The following GALNT17 variants were observed in gnomAD, a reference collection of about 807,000 sequenced individuals.
GALNT17 encodes polypeptide N-acetylgalactosaminyltransferase 17, also known as UDP-GalNAc:polypeptide N-acetylgalactosaminyltransferase-like 3.
In GALNT17, 29 loss-of-function variants were observed where a neutral mutation model predicts 63.7. The ratio of observed to expected loss-of-function variants is 0.46; its 90% CI spans 0.34 to 0.62. The LOEUF is 0.62. Among genes scored for constraint, GALNT17 ranks in the 20% least tolerant of loss-of-function variants. The pLI, the probability that GALNT17 is intolerant of heterozygous loss-of-function variation, is 0.01. For missense variants in GALNT17, 603 were observed against 799.6 expected, an observed-to-expected ratio of 0.75 and a Z score of 2.97; for synonymous variants, 305 against 318.3, an observed-to-expected ratio of 0.96 and a Z score of 0.45.
At chr7:71,223,383 G>A (rs1018368175) in intron 1 of GALNT17, among the ~76,000 whole-genome samples, 8 of 152,024 alleles carry the variant, frequency 5.3e-5, no homozygotes, top group African/African-American at 1.9e-4. Context: ...ATGGACTTAT[G>A]AATATTTATT....
chr7:71,138,543 T>C (rs992905319), intron 1 of GALNT17, among the ~76,000 whole-genome samples: 5 of 152,186 alleles, frequency 3.3e-5, no homozygotes, highest in African/African-American at 1.2e-4. Context: ...GTCAACAGCA[T>C]ATTCTTTTTT....
At chr7:71,346,784 C>T (rs1403788629) in intron 2 of GALNT17, among the ~76,000 whole-genome samples, 1 of 151,882 alleles carries the variant, frequency 6.6e-6, no homozygotes, top group Non-Finnish European at 1.5e-5. Flanking sequence ...GGTGGAGTTA[C>T]TTCTTTAGTT....
At chr7:71,580,538 GATA>G (rs1789621513) in intron 6 of GALNT17, among the ~76,000 whole-genome samples, 1 of 152,160 alleles carries the variant, frequency 6.6e-6, no homozygotes, top group African/African-American at 2.4e-5. Flanking sequence ...TTACTAAAAA[GATA>G]ATGATGACAG....
intron 5 of GALNT17, among the ~76,000 whole-genome samples, chr7:71,430,654 A>G (rs1005526039): frequency 8.5e-5 from 13 of 152,214 alleles, no homozygotes; most frequent in African/African-American, 3.1e-4. Flanking sequence ...ATAATTTGAT[A>G]ATAAATTATA....
intron 6 of GALNT17, among the ~76,000 whole-genome samples, chr7:71,657,490 G>C (rs1790845302): frequency 6.6e-6 from 1 of 152,140 alleles, no homozygotes; most frequent in African/African-American, 2.4e-5. Context: ...GGCTGCCTAG[G>C]CTCCTCAGTG....
chr7:71,145,341 A>G (rs559051852), intron 1 of GALNT17, among the ~76,000 whole-genome samples: 2 of 152,222 alleles, frequency 1.3e-5, no homozygotes, highest in African/African-American at 4.8e-5. Flanking sequence ...CAACATAACT[A>G]AAAACCTAGC....
At chr7:71,509,068 G>A (rs553937089) in intron 5 of GALNT17, among the ~76,000 whole-genome samples, 1 of 152,224 alleles carries the variant, frequency 6.6e-6, no homozygotes, top group African/African-American at 2.4e-5. Context: ...TCGACTTAAC[G>A]ATTTTCCCAC....
At chr7:71,366,066 A>G (rs1167828459) in intron 2 of GALNT17, among the ~76,000 whole-genome samples, 1 of 152,124 alleles carries the variant, frequency 6.6e-6, no homozygotes, top group Non-Finnish European at 1.5e-5. Flanking sequence ...AGTTCACGAT[A>G]GGGCTTGCAC....
intron 1 of GALNT17, among the ~76,000 whole-genome samples, chr7:71,157,729 C>T (rs1007667487): frequency 2.6e-5 from 4 of 151,922 alleles, no homozygotes; most frequent in East Asian, 3.9e-4. Flanking sequence ...GTGTACAGCT[C>T]GGTAGTAACA....
At chr7:71,147,436 T>C (rs1345980196) in intron 1 of GALNT17, among the ~76,000 whole-genome samples, 1 of 152,140 alleles carries the variant, frequency 6.6e-6, no homozygotes, top group Non-Finnish European at 1.5e-5. Flanking sequence ...GGCAGCTGAT[T>C]AGATGGTGCC....
chr7:71,298,679 A>G (rs1354797275), intron 1 of GALNT17, among the ~76,000 whole-genome samples: 2 of 151,118 alleles, frequency 1.3e-5, no homozygotes, highest in African/African-American at 2.4e-5. Context: ...ATCTAGTGCC[A>G]TCAGATTTGT....
At chr7:71,683,472 C>T (rs988431330) in intron 9 of GALNT17, among the ~76,000 whole-genome samples, 10 of 152,112 alleles carry the variant, frequency 6.6e-5, no homozygotes, top group Admixed American at 5.2e-4. Flanking sequence ...CCACGGACAT[C>T]GCTAGCTTAA....
intron 2 of GALNT17, among the ~76,000 whole-genome samples, chr7:71,384,559 A>G (rs1792906080): frequency 6.6e-6 from 1 of 152,220 alleles, no homozygotes; most frequent in Non-Finnish European, 1.5e-5. Context: ...GAGAGGCCTG[A>G]GTGCCCAGAG....
chr7:71,200,482 T>C (rs1448826439), intron 1 of GALNT17, among the ~76,000 whole-genome samples: 1 of 152,224 alleles, frequency 6.6e-6, no homozygotes, highest in Non-Finnish European at 1.5e-5. Flanking sequence ...TAATGGTTCC[T>C]AGAGGCTGGA....
intron 6 of GALNT17, among the ~76,000 whole-genome samples, chr7:71,638,476 G>C (rs1423368034): frequency 6.6e-6 from 1 of 152,150 alleles, no homozygotes; most frequent in East Asian, 1.9e-4. Context: ...AAAAGAGGCT[G>C]TCCCTCCCCT....
At chr7:71,152,829 C>T (rs1160964321) in intron 1 of GALNT17, among the ~76,000 whole-genome samples, 1 of 151,958 alleles carries the variant, frequency 6.6e-6, no homozygotes, top group Non-Finnish European at 1.5e-5. Context: ...GACGGGGTCT[C>T]ACCATGTTGG....
chr7:71,616,631 G>A (rs1242194887), intron 6 of GALNT17, among the ~76,000 whole-genome samples: 2 of 142,760 alleles, frequency 1.4e-5, no homozygotes, highest in East Asian at 2.0e-4. Context: ...ATATTTATAT[G>A]TAATATAAAT....
At chr7:71,580,399 TGATA>T (rs59745749) in intron 6 of GALNT17, among the ~76,000 whole-genome samples, 22,055 of 147,328 alleles carry the variant, frequency 0.15, 1,808 homozygotes, top group African/African-American at 0.23. Flanking sequence ...GATAGATGGA[TGATA>T]GATAGATAGA....
At chr7:71,468,432 T>C (rs78606500) in intron 5 of GALNT17, among the ~76,000 whole-genome samples, 17,768 of 151,630 alleles carry the variant, frequency 0.12, 1,777 homozygotes, top group East Asian at 0.54. Flanking sequence ...TTTTTTTTAA[T>C]TGGAGACAGA....
Sources: gnomAD v4.1 joint callset for allele counts (sites outside exome capture counted in the v4.1 genomes callset) on GRCh38, gnomAD v4.1.1 for gene constraint, MANE v1.5 for transcripts, NCBI Gene and HGNC (gene_info 2026-07-23, HGNC 2026-07-21) for gene names.